GRK5: variants seen among roughly 807,000 people sequenced by gnomAD.
GRK5 encodes the protein g protein-coupled receptor kinase GRK5.
GRK5 carries 40 observed loss-of-function variants against 78.4 expected under a neutral mutation model. The observed-to-expected ratio is 0.51, with a 90% confidence interval of 0.40 to 0.66. The LOEUF is 0.66. Ranked by LOEUF, GRK5 falls within the 30% of genes least tolerant of loss-of-function variation. The pLI is 0.00. For missense variants in GRK5, 598 were observed against 759.9 expected (o/e 0.79, Z 2.50); for synonymous variants, 289 against 296.8 (o/e 0.97, Z 0.27).
At chr10:119,372,291 G>C (rs980698445) in intron 2 of GRK5, among the ~76,000 whole-genome samples, 4 of 152,166 alleles carry the variant, frequency 2.6e-5, no homozygotes, top group African/African-American at 9.7e-5. Flanking sequence ...TGGTGTTTCT[G>C]AACTATGTAC....
chr10:119,450,251 T>C (rs1046897256), intron 13 of GRK5, among the ~76,000 whole-genome samples: 5 of 152,184 alleles, frequency 3.3e-5, no homozygotes, highest in Admixed American at 6.5e-5. Context: ...GTGGCCATCC[T>C]TGTGGCCTCT....
chr10:119,428,291 T>C (rs1173825915), intron 6 of GRK5, among the ~76,000 whole-genome samples: 2 of 152,234 alleles, frequency 1.3e-5, no homozygotes. Flanking sequence ...AGCCTCAGCG[T>C]TCTCATCTGC....
chr10:119,329,620 C>T (rs1294080691), intron 2 of GRK5, among the ~76,000 whole-genome samples: 1 of 152,056 alleles, frequency 6.6e-6, no homozygotes, highest in African/African-American at 2.4e-5. Flanking sequence ...ATCCCAGCTA[C>T]TCGGGAGGCT....
Position 119,454,994 on chromosome 10 carries a change from C to T in GRK5, c.1700C>T (p.Pro567Leu). 1 of 1,613,978 alleles carries T rather than the reference C, an allele frequency of 6.2e-7. No individual in the cohort carries two copies. The highest frequency in any genetic ancestry group is 8.5e-7 in the Non-Finnish European group (1 of 1,179,854). The change falls in exon 16 of 16, where the codon CCC becomes CTC. Residue 567 changes from proline to leucine, a missense_variant. Pro to Leu is a moderately conservative substitution (Grantham distance 98). Transcript: ENST00000392870. ...RQHQNNSKSS[P>L]SSKTSFNHHI... ...CATCAGAACAATTCCAAGAGTTCGC[C>T]CAGCTCCAAGACCAGTTTTAACCAC...
In GRK5 at chr10:119,455,754, C is replaced by G. The variant is rs1359590969; in HGVS notation, c.*687C>G. ...AGACACACGTGGGACTTCCCCCTCCCAGCCAGAATGTCCTCTCCTGGGGCC... is the reference window on the plus strand; with the variant it reads ...AGACACACGTGGGACTTCCCCCTCCGAGCCAGAATGTCCTCTCCTGGGGCC... On this transcript the variant is annotated 3_prime_UTR_variant, in exon 16 of 16. Coordinates refer to ENST00000392870, the MANE Select transcript of GRK5 (RefSeq NM_005308.3). 1 of 192,156 alleles carries G rather than the reference C, an allele frequency of 5.2e-6. No individual in the cohort carries two copies. Among genetic ancestry groups the G allele is most frequent in the Non-Finnish European group, 1.0e-5 (1 of 95,632 alleles). The allele number at this position is 192,156 out of a possible 1,614,324, so 11.9% of individuals were successfully genotyped here.
intron 1 of GRK5, among the ~76,000 whole-genome samples, chr10:119,295,871 G>A (rs148280792): frequency 7.2e-4 from 109 of 151,996 alleles, no homozygotes; most frequent in South Asian, 2.1e-3. Flanking sequence ...TGATGGGTGC[G>A]CCAGAATCTC....
chr10:119,314,639 C>T (rs1319310377), intron 1 of GRK5, among the ~76,000 whole-genome samples: 1 of 152,218 alleles, frequency 6.6e-6, no homozygotes, highest in Non-Finnish European at 1.5e-5. Context: ...CCATGCCATC[C>T]AGAGGCACTG....
At chr10:119,249,750 C>T (rs560431512) in intron 1 of GRK5, among the ~76,000 whole-genome samples, 2 of 152,332 alleles carry the variant, frequency 1.3e-5, no homozygotes, top group South Asian at 4.1e-4. Flanking sequence ...ATCTGCCTAC[C>T]TCGGCCTCCC....
At chr10:119,292,128 A>ATCTTCCTCC (rs1849986287) in intron 1 of GRK5, among the ~76,000 whole-genome samples, 1 of 6,828 alleles carries the variant, frequency 1.5e-4, no homozygotes, top group Non-Finnish European at 3.0e-4. Context: ...CCCTCTCCTC[A>ATCTTCCTCC]TCTTCCTCCT....
In GRK5 at chr10:119,412,546, G is replaced by A. The variant is rs1852367037; in HGVS notation, c.340-10620G>A. On this transcript the variant is annotated intron_variant, in intron 4 of 15. Coordinates refer to ENST00000392870, the MANE Select transcript of GRK5 (RefSeq NM_005308.3). The surrounding 1 kb of genome is among the most constrained non-coding windows in gnomAD (Gnocchi z 4.3). Reference sequence around the variant, plus strand: ...AACCCTGCCTTCTTTCCTTTGGTCTGTTCTTGTCTGGGGCTTGTGGATCAC... The same window carrying A: ...AACCCTGCCTTCTTTCCTTTGGTCTATTCTTGTCTGGGGCTTGTGGATCAC... Among the ~76,000 whole-genome samples, 1 of 152,182 alleles carries A rather than the reference G, an allele frequency of 6.6e-6. No homozygotes were observed. The highest frequency in any genetic ancestry group is 2.1e-4 in the South Asian group (1 of 4,832).
At chr10:119,377,420 T>C (rs1851642039) in intron 2 of GRK5, among the ~76,000 whole-genome samples, 1 of 152,232 alleles carries the variant, frequency 6.6e-6, no homozygotes, top group African/African-American at 2.4e-5. Context: ...CTATAGGAAC[T>C]GTAAATGTTG....
intron 1 of GRK5, among the ~76,000 whole-genome samples, chr10:119,212,220 A>G (rs1390756438): frequency 1.3e-5 from 2 of 152,086 alleles, no homozygotes; most frequent in Non-Finnish European, 2.9e-5. Context: ...ACCAAAAGCA[A>G]TGTTTTCAGA....
At position 119,303,300 on chromosome 10, in the gene GRK5, A is replaced by T. The variant is rs151049826; in HGVS notation, c.53-23216A>T. Among the ~76,000 whole-genome samples the T allele has an allele frequency of 1.8e-3, 281 of 152,340 alleles. 3 individuals carry two copies. Among genetic ancestry groups the T allele is most frequent in the African/African-American group, 6.4e-3 (268 of 41,572 alleles). The stretch of plus-strand genomic sequence containing the variant: ...TACTCTGTAGTGGATGAGGTGTAGC[A>T]GGATTAGATAAGAGAATGAGATAGA... On this transcript the variant is annotated intron_variant, in intron 1 of 15. Coordinates refer to ENST00000392870, the MANE Select transcript of GRK5 (RefSeq NM_005308.3).
chr10:119,409,145 C>T (rs1160417263), intron 4 of GRK5, among the ~76,000 whole-genome samples: 1 of 152,230 alleles, frequency 6.6e-6, no homozygotes, highest in Non-Finnish European at 1.5e-5. Context: ...TGGGCCTCGG[C>T]TTCCACTCTG....
chr10:119,304,607 A>T (rs1850241725), intron 1 of GRK5, among the ~76,000 whole-genome samples: 2 of 152,196 alleles, frequency 1.3e-5, no homozygotes, highest in African/African-American at 4.8e-5. Context: ...GCCTAAGGTC[A>T]TCCACCTAGC....
At chr10:119,216,410 G>A (rs1053494811) in intron 1 of GRK5, among the ~76,000 whole-genome samples, 9 of 152,244 alleles carry the variant, frequency 5.9e-5, no homozygotes, top group Non-Finnish European at 1.2e-4. Context: ...AGGGCCACTG[G>A]TGCCTCGGCT....
chr10:119,285,846 C>G (rs1305651393), intron 1 of GRK5, among the ~76,000 whole-genome samples: 1 of 152,112 alleles, frequency 6.6e-6, no homozygotes, highest in African/African-American at 2.4e-5. Context: ...ATGAAGGACC[C>G]CTGTGATCAA....
chr10:119,255,101 G>C (rs1322505383), intron 1 of GRK5, among the ~76,000 whole-genome samples: 3 of 151,634 alleles, frequency 2.0e-5, no homozygotes, highest in African/African-American at 7.3e-5. Context: ...GTATGTATGC[G>C]CAGGTAAGGT....
In GRK5 at chr10:119,456,260, G is replaced by A. The variant is rs1853401628; in HGVS notation, c.*1193G>A. On this transcript the variant is annotated 3_prime_UTR_variant, in exon 16 of 16. Coordinates refer to ENST00000392870, the MANE Select transcript of GRK5 (RefSeq NM_005308.3). The surrounding 1 kb of genome is among the most constrained non-coding windows in gnomAD (Gnocchi z 5.5). ...TCTCTGGGCAAATGAGAGGCCCAAG[G>A]AGAGACCAAGCCACCAAAGGGCTCA... 1 of 152,250 alleles carries A rather than the reference G, an allele frequency of 6.6e-6. No homozygotes were observed. The allele number at this position is 152,250 out of a possible 1,614,324, so 9.4% of individuals were successfully genotyped here.
Sources: gnomAD v4.1 joint callset for allele counts (sites outside exome capture counted in the v4.1 genomes callset) on GRCh38, gnomAD v4.1.1 for gene constraint, Gnocchi (gnomAD v3.1) non-coding constraint, MANE v1.5 for transcripts, NCBI Gene and HGNC (gene_info 2026-07-23, HGNC 2026-07-21) for gene names.